HTR2C: variants seen among roughly 807,000 people sequenced by gnomAD.
HTR2C encodes the protein 5-hydroxytryptamine (serotonin) receptor 2C, G protein-coupled.
In HTR2C, 5 loss-of-function variants were observed where a neutral mutation model predicts 21.0. The observed-to-expected ratio is 0.24, with a 90% CI of 0.12 to 0.50. The LOEUF is 0.50. HTR2C is among the 20% of genes least tolerant of loss of function. The pLI is 0.98. For synonymous variants in HTR2C, 150 were observed against 145.3 expected (o/e 1.03, Z -0.23); for missense variants, 271 against 371.2 (o/e 0.73, Z 2.22).
chrX:114,872,354 A>C (rs928281421), intron 5 of HTR2C, among the ~76,000 whole-genome samples: 13 of 110,457 alleles, frequency 1.2e-4, no homozygotes, highest in African/African-American at 4.3e-4. Context: ...CTTTGGATTT[A>C]GTTTGCTCAT....
intron 2 of HTR2C, among the ~76,000 whole-genome samples, chrX:114,655,927 T>G (rs1352599394): frequency 9.0e-6 from 1 of 111,592 alleles, no homozygotes; most frequent in Non-Finnish European, 1.9e-5. Flanking sequence ...ATTTAATTTT[T>G]GCTTGCATGG....
intron 4 of HTR2C, among the ~76,000 whole-genome samples, chrX:114,805,869 A>G (rs1202619097): frequency 2.1e-5 from 2 of 93,615 alleles, no homozygotes; most frequent in African/African-American, 7.7e-5. Context: ...TATATACCAT[A>G]TATATACACC....
At chrX:114,806,741 C>CAT (rs1372797643) in intron 4 of HTR2C, among the ~76,000 whole-genome samples, 1 of 80,054 alleles carries the variant, frequency 1.2e-5, no homozygotes, top group East Asian at 3.8e-4. Flanking sequence ...ATATACACAC[C>CAT]ATATATATAC....
intron 2 of HTR2C, among the ~76,000 whole-genome samples, chrX:114,655,168 A>G (rs1328775133): frequency 9.0e-6 from 1 of 111,166 alleles, no homozygotes; most frequent in African/African-American, 3.3e-5. Context: ...CAGAAGGCTG[A>G]ATGGAATTTA....
intron 2 of HTR2C, among the ~76,000 whole-genome samples, chrX:114,664,865 G>A (rs1931118755): frequency 8.9e-6 from 1 of 111,981 alleles, no homozygotes; most frequent in South Asian, 3.7e-4. Flanking sequence ...AGTGCTTCAA[G>A]CTGTTCTGTA....
At chrX:114,851,687 C>T (rs978960755) in intron 5 of HTR2C, among the ~76,000 whole-genome samples, 2 of 111,133 alleles carry the variant, frequency 1.8e-5, no homozygotes, top group Non-Finnish European at 3.8e-5. Context: ...CTCAAATTGT[C>T]TCATATTTTT....
chrX:114,599,859 A>G (rs782260365), intron 1 of HTR2C, among the ~76,000 whole-genome samples: 1 of 112,168 alleles, frequency 8.9e-6, no homozygotes, highest in South Asian at 3.7e-4. Flanking sequence ...CTGAATGTAT[A>G]TTTTGATAGG....
chrX:114,789,643 C>G (rs1178542659), intron 4 of HTR2C, among the ~76,000 whole-genome samples: 1 of 110,942 alleles, frequency 9.0e-6, no homozygotes, highest in Non-Finnish European at 1.9e-5. Flanking sequence ...AACATAGAGA[C>G]CATAGAGGTC....
At chrX:114,633,790 CAT>C (rs1929724940) in intron 2 of HTR2C, among the ~76,000 whole-genome samples, 1 of 109,397 alleles carries the variant, frequency 9.1e-6, no homozygotes, top group East Asian at 2.9e-4. Flanking sequence ...TATATATACA[CAT>C]ATATGTGTGA....
intron 4 of HTR2C, among the ~76,000 whole-genome samples, chrX:114,795,875 A>G (rs782680787): frequency 3.6e-5 from 4 of 111,497 alleles, no homozygotes; most frequent in Non-Finnish European, 3.8e-5. Context: ...CCACAAATCA[A>G]AGATCTATGT....
intron 4 of HTR2C, among the ~76,000 whole-genome samples, chrX:114,807,291 A>C (rs781846846): frequency 3.9e-5 from 4 of 102,169 alleles, no homozygotes; most frequent in African/African-American, 1.1e-4. Flanking sequence ...TACACCATAT[A>C]TATACCATGT....
intron 4 of HTR2C, among the ~76,000 whole-genome samples, chrX:114,749,466 A>C (rs1480763736): frequency 9.4e-6 from 1 of 106,205 alleles, no homozygotes; most frequent in East Asian, 2.9e-4. Flanking sequence ...AAAAAAAAAA[A>C]AAAAAAAAAA....
chrX:114,614,207 C>T (rs373493145), intron 2 of HTR2C, among the ~76,000 whole-genome samples: 16 of 110,068 alleles, frequency 1.5e-4, no homozygotes, highest in African/African-American at 3.6e-4. Flanking sequence ...ATTAGGTTAG[C>T]GAAGTTCAAT....
chrX:114,758,254 G>A (rs782477269), intron 4 of HTR2C, among the ~76,000 whole-genome samples: 13 of 111,631 alleles, frequency 1.2e-4, no homozygotes, highest in Non-Finnish European at 2.1e-4. Flanking sequence ...AATGATGAAT[G>A]TCAAACTTAA....
chrX:114,710,897 T>A (rs1932882829), intron 2 of HTR2C, among the ~76,000 whole-genome samples: 2 of 111,346 alleles, frequency 1.8e-5, no homozygotes, highest in South Asian at 7.5e-4. Context: ...AATGACTACG[T>A]TTCCACAAAT....
intron 2 of HTR2C, among the ~76,000 whole-genome samples, chrX:114,636,479 A>T (rs1164953870): frequency 8.9e-6 from 1 of 112,273 alleles, no homozygotes; most frequent in Admixed American, 9.5e-5. Flanking sequence ...CTTCTCAAAT[A>T]TTCATTCTGT....
At chrX:114,858,615 A>G (rs941733111) in intron 5 of HTR2C, among the ~76,000 whole-genome samples, 10 of 111,846 alleles carry the variant, frequency 8.9e-5, no homozygotes, top group African/African-American at 3.2e-4. Context: ...CAGCGTACCT[A>G]GTGGTGTCAC....
At chrX:114,866,211 A>G (rs1396412470) in intron 5 of HTR2C, among the ~76,000 whole-genome samples, 3 of 111,386 alleles carry the variant, frequency 2.7e-5, no homozygotes, top group Admixed American at 1.9e-4. Flanking sequence ...ATTGTCATGA[A>G]ATTCAAATTA....
chrX:114,793,204 C>T (rs782644261), intron 4 of HTR2C, among the ~76,000 whole-genome samples: 2 of 111,169 alleles, frequency 1.8e-5, no homozygotes, highest in Non-Finnish European at 3.8e-5. Flanking sequence ...CCCATGCCTA[C>T]AGACATATAA....
Sources: allele counts gnomAD v4.1 joint callset (sites outside exome capture counted in the v4.1 genomes callset), GRCh38; gene constraint gnomAD v4.1.1; transcripts MANE v1.5; gene names NCBI Gene and HGNC (gene_info 2026-07-23, HGNC 2026-07-21).